Variants in PEX14 observed in about 807,000 individuals in gnomAD.
PEX14 encodes peroxisomal biogenesis factor 14.
PEX14 carries 15 observed loss-of-function variants against 49.5 expected under a neutral mutation model. The ratio of observed to expected loss-of-function variants is 0.30; its 90% CI spans 0.20 to 0.47. PEX14 has a LOEUF of 0.47. PEX14 is among the 20% of genes least tolerant of loss of function. The probability of loss-of-function intolerance (pLI) is 1.00; values close to 1 mark genes in which losing one functional copy is unlikely to be tolerated. For synonymous variants in PEX14, 210 were observed against 212.7 expected (o/e 0.99, Z 0.11); for missense variants, 398 against 494.8 (o/e 0.80, Z 1.86).
intron 2 of PEX14, among the ~76,000 whole-genome samples, chr1:10,510,252 T>G (rs147387840): frequency 6.6e-6 from 1 of 152,380 alleles, no homozygotes; most frequent in Non-Finnish European, 1.5e-5. Flanking sequence ...CTCCTTGGCA[T>G]GTCTACAAAG....
chr1:10,475,875 TC>T, intron 1 of PEX14, among the ~76,000 whole-genome samples: 1 of 152,318 alleles, frequency 6.6e-6, no homozygotes, highest in South Asian at 2.1e-4. Flanking sequence ...CGTTTAGTGT[TC>T]ACTACAACCT....
intron 1 of PEX14, among the ~76,000 whole-genome samples, chr1:10,475,559 C>G (rs182938103): frequency 1.4e-4 from 22 of 152,342 alleles, no homozygotes; most frequent in African/African-American, 5.3e-4. Context: ...CTGTGACTAA[C>G]AGACGCCACC....
intron 2 of PEX14, among the ~76,000 whole-genome samples, chr1:10,506,027 T>G (rs1641776307): frequency 6.8e-6 from 1 of 148,060 alleles, no homozygotes; most frequent in Admixed American, 6.8e-5. Context: ...AATAAGAACA[T>G]ATTTTTAAAA....
chr1:10,515,107 C>G (rs1470131290), intron 2 of PEX14, among the ~76,000 whole-genome samples: 2 of 152,174 alleles, frequency 1.3e-5, no homozygotes, highest in South Asian at 2.1e-4. Flanking sequence ...CTGTGCCAGG[C>G]TTCACCACAA....
chr1:10,574,098 A>C (rs527709630), intron 3 of PEX14, among the ~76,000 whole-genome samples: 3 of 152,222 alleles, frequency 2.0e-5, no homozygotes, highest in African/African-American at 7.2e-5. Context: ...TGAGATTCCA[A>C]CTCTAAATAA....
chr1:10,500,538 T>C (rs1027288338), intron 2 of PEX14, among the ~76,000 whole-genome samples: 1 of 152,158 alleles, frequency 6.6e-6, no homozygotes, highest in Non-Finnish European at 1.5e-5. Context: ...TGTCGGCAGG[T>C]TCACTGTGGA....
At chr1:10,565,452 T>C (rs969390697) in intron 3 of PEX14, among the ~76,000 whole-genome samples, 2 of 152,176 alleles carry the variant, frequency 1.3e-5, no homozygotes, top group Admixed American at 6.5e-5. Context: ...TCTTCATGGC[T>C]CCTTTTCCTT....
intron 2 of PEX14, among the ~76,000 whole-genome samples, chr1:10,526,682 T>C (rs1241388005): frequency 6.6e-6 from 1 of 152,182 alleles, no homozygotes; most frequent in African/African-American, 2.4e-5. Flanking sequence ...TAATACTTAC[T>C]GGTTGAGCAT....
chr1:10,622,066 G>A (rs1049566087), intron 5 of PEX14, among the ~76,000 whole-genome samples: 5 of 152,084 alleles, frequency 3.3e-5, no homozygotes, highest in African/African-American at 4.8e-5. Flanking sequence ...GTGGCTGGAC[G>A]TCAGTGCACA....
At chr1:10,517,377 G>C (rs1169608728) in intron 2 of PEX14, among the ~76,000 whole-genome samples, 1 of 152,128 alleles carries the variant, frequency 6.6e-6, no homozygotes, top group Admixed American at 6.5e-5. Flanking sequence ...GGCACTGATC[G>C]GGTCGGTTCA....
At chr1:10,523,104 TTC>T (rs780725757) in intron 2 of PEX14, among the ~76,000 whole-genome samples, 8 of 152,188 alleles carry the variant, frequency 5.3e-5, no homozygotes, top group Non-Finnish European at 7.3e-5. Context: ...TCATGGATGT[TTC>T]TCTCTTGGCA....
rs1641883560 is a variant in PEX14 at position 10,630,200 on chromosome 1, CCCCAGCCCCAGG to C, written c.*220_*231del. ...GCCTGGCCGCCAGCCCCAGCCCCAG[CCCCAGCCCCAGG>C]CCCAGCTGCCTTTGGCTTTGATCTC... On this transcript the variant is annotated 3_prime_UTR_variant, in exon 9 of 9. Transcript: ENST00000356607. This position sits in a 1 kb window ranked among gnomAD's most constrained non-coding sequence, Gnocchi z 4.1. 1.4e-6 allele frequency: 1 copy of C among 723,268 alleles called. No individual in the cohort carries two copies. Among genetic ancestry groups the C allele is most frequent in the South Asian group, 1.9e-5 (1 of 52,102 alleles). 44.8% of individuals were successfully genotyped at this position (723,268 alleles called of 1,614,324 possible).
Position 10,577,848 on chromosome 1 carries a change from T to C in PEX14, c.170-21390T>C, listed in dbSNP as rs528113160. Among the ~76,000 whole-genome samples the C allele has an allele frequency of 6.0e-5, 9 of 151,210 alleles. No homozygotes were observed. The South Asian group carries it at 1.9e-3, about 32-fold the overall frequency. On this transcript the variant is annotated intron_variant, in intron 3 of 8. Transcript: ENST00000356607. The stretch of plus-strand genomic sequence containing the variant: ...GATCTCCTGACCTGGTGATCTGCTA[T>C]ACCCAGCCTGGACACAGTATTTTAA...
At chr1:10,608,126 C>T (rs1215492303) in intron 4 of PEX14, among the ~76,000 whole-genome samples, 1 of 152,138 alleles carries the variant, frequency 6.6e-6, no homozygotes, top group Non-Finnish European at 1.5e-5. Flanking sequence ...TGCCACCACA[C>T]CTGGCTAATT....
At chr1:10,489,365 T>C (rs898266850) in intron 1 of PEX14, among the ~76,000 whole-genome samples, 2 of 152,216 alleles carry the variant, frequency 1.3e-5, no homozygotes, top group Non-Finnish European at 2.9e-5. Context: ...TAAAGAGTGC[T>C]TAAAGCTTTT....
intron 4 of PEX14, among the ~76,000 whole-genome samples, chr1:10,612,518 T>C (rs1641301971): frequency 6.6e-6 from 1 of 152,212 alleles, no homozygotes; most frequent in Admixed American, 6.5e-5. Flanking sequence ...AGGACTACTG[T>C]TGGGCTACTG....
chr1:10,624,434 C>G lies in PEX14; in HGVS notation c.582C>G (p.Ala194=). Residue 194 remains alanine, a synonymous_variant, in exon 7 of 9, where the codon GCC becomes GCG. Transcript: ENST00000356607. The part of the protein sequence containing the change: ...IQELAHELAA[A]KATTSTNWIL... ...AGCTTGCCCACGAGCTGGCCGCTGC[C>G]AAGGTACCTGTCTCTGCTGCACAGG... 6.2e-7 allele frequency: 1 copy of G among 1,602,850 alleles called. No homozygotes were observed. Among genetic ancestry groups the G allele is most frequent in the Non-Finnish European group, 8.5e-7 (1 of 1,170,380 alleles).
Position 10,570,848 on chromosome 1 carries a change from G to GT in PEX14, c.170-28373dup, listed in dbSNP as rs70997255. ...TTTCTTTAGAGAAAATGTCAACAGG[G>GT]TTTTTTTTTTTTTTTTTGAGATGGT... On this transcript the variant is annotated intron_variant, in intron 3 of 8. Transcript: ENST00000356607. Among the ~76,000 whole-genome samples the GT allele has an allele frequency of 5.7e-3, 649 of 113,904 alleles. 31 individuals carry two copies. Among genetic ancestry groups the GT allele is most frequent in the African/African-American group, 0.019 (561 of 30,264 alleles). 74.7% of individuals were successfully genotyped at this position (113,904 alleles called of 152,430 possible).
chr1:10,493,363 T>G (rs1024598009), intron 1 of PEX14, among the ~76,000 whole-genome samples: 5 of 152,082 alleles, frequency 3.3e-5, no homozygotes, highest in Admixed American at 6.5e-5. Context: ...AGGCAGGGGA[T>G]TTTGGTAGCT....
Sources: gnomAD v4.1 joint callset for allele counts (sites outside exome capture counted in the v4.1 genomes callset) on GRCh38, gnomAD v4.1.1 for gene constraint, Gnocchi (gnomAD v3.1) non-coding constraint, MANE v1.5 for transcripts, NCBI Gene and HGNC (gene_info 2026-07-23, HGNC 2026-07-21) for gene names.